The following SLC25A21 variants were observed in gnomAD, a reference collection of about 807,000 sequenced individuals.
SLC25A21 encodes the protein solute carrier family 25 member 21.
SLC25A21 carries 47 observed loss-of-function variants against 43.8 expected under a neutral mutation model. The ratio of observed to expected loss-of-function variants is 1.07; its 90% confidence interval spans 0.85 to 1.37. The LOEUF (loss-of-function observed/expected upper bound fraction) is 1.37. Ranked by LOEUF, SLC25A21 falls within the 40% of genes most tolerant of loss-of-function variation. The pLI, the probability that SLC25A21 is intolerant of heterozygous loss-of-function variation, is 0.00. For missense variants in SLC25A21, 352 were observed against 350.2 expected, an observed-to-expected ratio of 1.00 and a Z score of -0.04; for synonymous variants, 131 against 121.3, an observed-to-expected ratio of 1.08 and a Z score of -0.52.
At chr14:36,971,181 G>A (rs1959740636) in intron 1 of SLC25A21, among the ~76,000 whole-genome samples, 1 of 152,148 alleles carries the variant, frequency 6.6e-6, no homozygotes, top group Non-Finnish European at 1.5e-5. Context: ...GATACTGAGG[G>A]GTAAGGAAGT....
chr14:37,120,533 A>T lies in SLC25A21; in HGVS notation c.70+51748T>A, dbSNP rs558318630. 1.6e-4 allele frequency among the ~76,000 whole-genome samples: 25 copies of T among 152,298 alleles called. No individual in the cohort carries two copies. The South Asian group carries it at 5.2e-3, about 32-fold the overall frequency. On this transcript the variant is annotated intron_variant, in intron 1 of 9. Coordinates refer to ENST00000331299, the MANE Select transcript of SLC25A21 (RefSeq NM_030631.4). ...AGTTAGAAAGAAAGAACACCAAAAC[A>T]GCTGCCAAACTCCACAATGCAGAGG...
intron 2 of SLC25A21, among the ~76,000 whole-genome samples, chr14:36,872,806 G>A (rs150959485): frequency 6.6e-6 from 1 of 152,152 alleles, no homozygotes; most frequent in East Asian, 1.9e-4. Context: ...CCAGTAACTT[G>A]TTATATCCAT....
rs1458148000 is a variant in SLC25A21, at chr14:36,860,392, AAT to A, written c.119+14562_119+14563del. Among the ~76,000 whole-genome samples, 3 of 152,300 alleles carry A rather than the reference AAT, an allele frequency of 2.0e-5. No individual in the cohort carries two copies. The East Asian group carries it at 5.8e-4, about 29-fold the overall frequency. ...AGAAGCCTCCAAGACCATGTAGGGA[AAT>A]GCCCTCAGTTTCCAGGTTGGGGAGT... On this transcript the variant is annotated intron_variant, in intron 2 of 9. Coordinates refer to ENST00000331299, the MANE Select transcript of SLC25A21 (RefSeq NM_030631.4).
intron 1 of SLC25A21, among the ~76,000 whole-genome samples, chr14:36,981,723 G>T (rs1054646034): frequency 2.0e-5 from 3 of 152,152 alleles, no homozygotes; most frequent in African/African-American, 7.2e-5. Flanking sequence ...AGCATTAGGA[G>T]ATATAGCTAA....
At chr14:36,711,095 T>C (rs1459848291) in intron 7 of SLC25A21, among the ~76,000 whole-genome samples, 1 of 152,202 alleles carries the variant, frequency 6.6e-6, no homozygotes, top group Non-Finnish European at 1.5e-5. Context: ...GTCCTCAACT[T>C]TACTGTCTAC....
intron 1 of SLC25A21, among the ~76,000 whole-genome samples, chr14:37,016,849 C>G (rs141145056): frequency 4.6e-4 from 70 of 152,178 alleles, no homozygotes; most frequent in African/African-American, 1.7e-3. Context: ...ATTATTTCCT[C>G]AAACCTCCTG....
chr14:37,060,077 C>G (rs1352767332), intron 1 of SLC25A21, among the ~76,000 whole-genome samples: 1 of 151,744 alleles, frequency 6.6e-6, no homozygotes, highest in Non-Finnish European at 1.5e-5. Flanking sequence ...AAAATCCTAG[C>G]CCCTTTAAAA....
At chr14:36,735,812 CT>C (rs58500416) in intron 3 of SLC25A21, among the ~76,000 whole-genome samples, 32,750 of 131,318 alleles carry the variant, frequency 0.25, 4,181 homozygotes, top group African/African-American at 0.41. Flanking sequence ...TCCCAGAATC[CT>C]TTTTTTTTTT....
chr14:37,026,837 A>G (rs1961102493), intron 1 of SLC25A21, among the ~76,000 whole-genome samples: 2 of 152,200 alleles, frequency 1.3e-5, no homozygotes. Context: ...TGTTATTTAA[A>G]TAATAGTTGT....
At chr14:37,127,994 A>G (rs952826818) in intron 1 of SLC25A21, among the ~76,000 whole-genome samples, 2 of 152,212 alleles carry the variant, frequency 1.3e-5, no homozygotes, top group Non-Finnish European at 2.9e-5. Context: ...AGAATTCAAC[A>G]AGCAAAAACT....
At chr14:37,118,281 A>G (rs973904726) in intron 1 of SLC25A21, among the ~76,000 whole-genome samples, 2 of 151,536 alleles carry the variant, frequency 1.3e-5, no homozygotes, top group East Asian at 3.9e-4. Context: ...AGATCCACCA[A>G]CAAGTCCTGT....
intron 1 of SLC25A21, among the ~76,000 whole-genome samples, chr14:37,044,398 T>C (rs927024756): frequency 6.6e-6 from 1 of 152,208 alleles, no homozygotes; most frequent in Non-Finnish European, 1.5e-5. Context: ...AGCATGTTTC[T>C]TCTCCTGAAA....
chr14:36,878,821 A>G (rs1370252580), intron 1 of SLC25A21, among the ~76,000 whole-genome samples: 1 of 152,140 alleles, frequency 6.6e-6, no homozygotes, highest in Non-Finnish European at 1.5e-5. Flanking sequence ...ACCTAGAAGT[A>G]TTGCTTTTAC....
chr14:36,816,206 G>A (rs1189507821), intron 2 of SLC25A21, among the ~76,000 whole-genome samples: 1 of 152,148 alleles, frequency 6.6e-6, no homozygotes, highest in African/African-American at 2.4e-5. Context: ...GTACTGAACA[G>A]TACTGTGAAG....
At chr14:36,848,202 A>G (rs1436142531) in intron 2 of SLC25A21, among the ~76,000 whole-genome samples, 1 of 152,228 alleles carries the variant, frequency 6.6e-6, no homozygotes, top group East Asian at 1.9e-4. Flanking sequence ...TCAAAAGTCA[A>G]TGATACTCTG....
chr14:36,779,481 A>ATAT (rs1322650670), intron 3 of SLC25A21, among the ~76,000 whole-genome samples: 1 of 145,540 alleles, frequency 6.9e-6, no homozygotes, highest in Non-Finnish European at 1.5e-5. Flanking sequence ...ATACACATAT[A>ATAT]TATAATAATA....
intron 3 of SLC25A21, among the ~76,000 whole-genome samples, chr14:36,742,730 A>G (rs949419826): frequency 1.3e-5 from 2 of 152,184 alleles, no homozygotes; most frequent in African/African-American, 4.8e-5. Flanking sequence ...TCTAACATAA[A>G]ACTAACAAAA....
At chr14:36,736,743 T>A (rs949615365) in intron 3 of SLC25A21, among the ~76,000 whole-genome samples, 3 of 152,224 alleles carry the variant, frequency 2.0e-5, no homozygotes, top group Non-Finnish European at 2.9e-5. Context: ...GAACAGTTGC[T>A]TCAACTGGAG....
At chr14:36,967,977 G>A (rs1959658353) in intron 1 of SLC25A21, among the ~76,000 whole-genome samples, 1 of 152,304 alleles carries the variant, frequency 6.6e-6, no homozygotes, top group Non-Finnish European at 1.5e-5. Flanking sequence ...CTCAACTTAA[G>A]AGCTCTAACC....
Sources: allele counts gnomAD v4.1 joint callset (sites outside exome capture counted in the v4.1 genomes callset), GRCh38; gene constraint gnomAD v4.1.1; transcripts MANE v1.5; gene names NCBI Gene and HGNC (gene_info 2026-07-23, HGNC 2026-07-21).